CCDC141: variants seen among roughly 807,000 people sequenced by gnomAD.
The protein encoded by CCDC141 is coiled-coil domain containing 141.
In CCDC141, 168 loss-of-function variants were observed where a neutral mutation model predicts 181.0. That is an observed-to-expected ratio of 0.93 (90% CI 0.82 to 1.05). The LOEUF (loss-of-function observed/expected upper bound fraction) is 1.05, where lower values mean the gene tolerates loss of function less well. Among genes scored for constraint, CCDC141 ranks in the 50% least tolerant of loss-of-function variants. The probability of loss-of-function intolerance (pLI) is 0.00; values close to 1 mark genes in which losing one functional copy is unlikely to be tolerated. For synonymous variants in CCDC141, 666 were observed against 642.3 expected (o/e 1.04, Z -0.56); for missense variants, 1,902 against 1,788.5 (o/e 1.06, Z -1.14).
intron 2 of CCDC141, among the ~76,000 whole-genome samples, chr2:179,008,596 G>A (rs1174610092): frequency 6.6e-6 from 1 of 152,150 alleles, no homozygotes; most frequent in Non-Finnish European, 1.5e-5. Context: ...AATAGGTTTG[G>A]AGTAAAAGCT....
intron 2 of CCDC141, among the ~76,000 whole-genome samples, chr2:179,027,252 G>T (rs2042872956): frequency 6.6e-6 from 1 of 152,164 alleles, no homozygotes; most frequent in Non-Finnish European, 1.5e-5. Flanking sequence ...CACGTCATGG[G>T]AGGAACCCAG....
At chr2:178,930,970 T>C (rs1247596695) in intron 6 of CCDC141, among the ~76,000 whole-genome samples, 10 of 152,124 alleles carry the variant, frequency 6.6e-5, no homozygotes, top group Admixed American at 6.5e-4. Flanking sequence ...TTTATCAAAA[T>C]TAAAACTTTT....
intron 2 of CCDC141, among the ~76,000 whole-genome samples, chr2:179,010,908 C>T (rs567143172): frequency 1.9e-4 from 29 of 152,252 alleles, no homozygotes; most frequent in African/African-American, 6.7e-4. Flanking sequence ...CCTGTAATCC[C>T]AGCACTTTGG....
intron 2 of CCDC141, among the ~76,000 whole-genome samples, chr2:179,036,573 G>A (rs1230945133): frequency 6.6e-5 from 10 of 152,194 alleles, no homozygotes; most frequent in African/African-American, 1.9e-4. Context: ...AGTGCCAAGC[G>A]AGGCAGGGAA....
intron 2 of CCDC141, among the ~76,000 whole-genome samples, chr2:178,986,821 T>G (rs1260653684): frequency 6.6e-5 from 10 of 151,298 alleles, no homozygotes; most frequent in Non-Finnish European, 1.2e-4. Flanking sequence ...TAAAAGAGGA[T>G]ACAAACAAAT....
chr2:178,975,896 A>T (rs1053460996), intron 3 of CCDC141, among the ~76,000 whole-genome samples: 1 of 152,184 alleles, frequency 6.6e-6, no homozygotes, highest in Non-Finnish European at 1.5e-5. Context: ...ATTTGTATGC[A>T]TTACATCTAT....
intron 11 of CCDC141, among the ~76,000 whole-genome samples, chr2:178,880,236 C>G (rs1686534128): frequency 6.6e-6 from 1 of 152,146 alleles, no homozygotes; most frequent in Non-Finnish European, 1.5e-5. Context: ...TCCCTTAACT[C>G]TGTACTAGTT....
chr2:178,894,215 A>G (rs1687301060), intron 8 of CCDC141, among the ~76,000 whole-genome samples: 1 of 152,150 alleles, frequency 6.6e-6, no homozygotes, highest in South Asian at 2.1e-4. Context: ...TGTGACCCTG[A>G]TCAAATAACA....
intron 8 of CCDC141, among the ~76,000 whole-genome samples, chr2:178,895,345 G>A (rs1476642741): frequency 6.6e-6 from 1 of 152,052 alleles, no homozygotes; most frequent in Non-Finnish European, 1.5e-5. Flanking sequence ...AATATGAGAG[G>A]AGTCCTCAAT....
chr2:178,964,794 T>C (rs549704390), intron 4 of CCDC141, among the ~76,000 whole-genome samples: 19 of 152,344 alleles, frequency 1.2e-4, no homozygotes, highest in Non-Finnish European at 2.1e-4. Context: ...TACTGTGACC[T>C]TCAAGAACAT....
At chr2:178,856,739 C>T (rs1335252539) in intron 17 of CCDC141, among the ~76,000 whole-genome samples, 2 of 152,118 alleles carry the variant, frequency 1.3e-5, no homozygotes, top group Admixed American at 6.5e-5. Context: ...TGTGTGCCAC[C>T]ATGCCTGGCT....
At chr2:178,990,491 A>G (rs1349274438) in intron 2 of CCDC141, among the ~76,000 whole-genome samples, 3 of 149,394 alleles carry the variant, frequency 2.0e-5, no homozygotes, top group African/African-American at 7.4e-5. Flanking sequence ...ATGAAGGAGT[A>G]TTGATACATA....
At chr2:178,934,178 C>G (rs749870938) in intron 6 of CCDC141, among the ~76,000 whole-genome samples, 1 of 152,036 alleles carries the variant, frequency 6.6e-6, no homozygotes, top group Non-Finnish European at 1.5e-5. Flanking sequence ...CCCATGGCAC[C>G]AACTACAGAG....
intron 12 of CCDC141, 121 bp downstream of exon 12, chr2:178,877,843 G>T: frequency 1.1e-6 from 1 of 935,036 alleles, no homozygotes; most frequent in Non-Finnish European, 1.7e-6. Flanking sequence ...GTTGAATGAA[G>T]CTAAAGAGAA....
Position 178,905,361 on chromosome 2 carries a change from T to C in CCDC141, c.1233A>G (p.Gly411=). 2 of 1,550,154 alleles carry C rather than the reference T, an allele frequency of 1.3e-6. No individual in the cohort carries two copies. The highest frequency in any genetic ancestry group is 1.7e-6 in the Non-Finnish European group (2 of 1,146,810). The part of the protein sequence containing the change: ...KDCTTDALQK[G]QTLISQVDSC... Reference sequence around the variant, plus strand: ...AGTCTACTTGGCTGATTAAGGTTTGTCCCTTTTGCAAAGCATCAGTTGTGC... The same window carrying C: ...AGTCTACTTGGCTGATTAAGGTTTGCCCCTTTTGCAAAGCATCAGTTGTGC... The change falls in exon 8 of 24, where the codon GGA becomes GGG. Residue 411 remains glycine, a synonymous_variant. Coordinates refer to ENST00000443758, the MANE Select transcript of CCDC141 (RefSeq NM_173648.4).
intron 8 of CCDC141, among the ~76,000 whole-genome samples, chr2:178,903,654 C>A (rs1687817603): frequency 6.6e-6 from 1 of 150,862 alleles, no homozygotes. Flanking sequence ...ATATGTAATG[C>A]TAAATGACGA....
chr2:178,835,480 C>T (rs2154365607), intron 23 of CCDC141, among the ~76,000 whole-genome samples: 1 of 152,326 alleles, frequency 6.6e-6, no homozygotes, highest in African/African-American at 2.4e-5. Context: ...CACAATCTAT[C>T]ACTCAGGGGT....
chr2:178,936,244 C>T (rs537883973), intron 6 of CCDC141, among the ~76,000 whole-genome samples: 1 of 152,144 alleles, frequency 6.6e-6, no homozygotes, highest in East Asian at 1.9e-4. Flanking sequence ...ACATTTAAGT[C>T]CTTAATCAAC....
rs147831947 is a variant in CCDC141, at chr2:178,907,351, A to G, written c.1093-1850T>C. 4.3e-3 allele frequency among the ~76,000 whole-genome samples: 660 copies of G among 152,352 alleles called. 8 individuals are homozygous for G. Among genetic ancestry groups the G allele is most frequent in the African/African-American group, 0.015 (632 of 41,594 alleles). On this transcript the variant is annotated intron_variant, in intron 7 of 23. Transcript: ENST00000443758. ...GGAGCAGATTTGGGATTTATACCCA[A>G]TTTCCTGACTCTGAGACCACTGCTC...
Sources: gnomAD v4.1 joint callset for allele counts (sites outside exome capture counted in the v4.1 genomes callset) on GRCh38, gnomAD v4.1.1 for gene constraint, MANE v1.5 for transcripts, NCBI Gene and HGNC (gene_info 2026-07-23, HGNC 2026-07-21) for gene names.